The following PDSS2 variants were observed in gnomAD, a reference collection of about 807,000 sequenced individuals.
PDSS2 encodes all trans-polyprenyl-diphosphate synthase PDSS2.
Under a neutral mutation model 44.5 loss-of-function variants are expected in PDSS2, and 31 were observed. The observed-to-expected ratio is 0.70, with a 90% CI of 0.52 to 0.94. The LOEUF (loss-of-function observed/expected upper bound fraction) is 0.94, where lower values mean the gene tolerates loss of function less well. Among genes scored for constraint, PDSS2 ranks in the 40% least tolerant of loss-of-function variants. PDSS2 has a pLI of 0.00. For missense variants in PDSS2, 452 were observed against 482.2 expected (o/e 0.94, Z 0.59); for synonymous variants, 157 against 180.3 (o/e 0.87, Z 1.03).
chr6:107,355,439 A>G (rs540137359), intron 1 of PDSS2, among the ~76,000 whole-genome samples: 2 of 152,370 alleles, frequency 1.3e-5, no homozygotes, highest in South Asian at 2.1e-4. Flanking sequence ...TGACTCAAAA[A>G]TGGGAAAATG....
At chr6:107,209,978 C>A (rs570617536) in intron 6 of PDSS2, among the ~76,000 whole-genome samples, 1 of 151,960 alleles carries the variant, frequency 6.6e-6, no homozygotes, top group Admixed American at 6.6e-5. Context: ...GCTTTTTTCC[C>A]CCCCGCTTTG....
At chr6:107,394,704 T>G (rs1779887057) in intron 1 of PDSS2, among the ~76,000 whole-genome samples, 1 of 152,212 alleles carries the variant, frequency 6.6e-6, no homozygotes, top group African/African-American at 2.4e-5. Context: ...TGTACTAACC[T>G]TTCAACAATA....
intron 2 of PDSS2, among the ~76,000 whole-genome samples, chr6:107,276,456 TC>T (rs1775787436): frequency 6.6e-6 from 1 of 152,136 alleles, no homozygotes; most frequent in Admixed American, 6.5e-5. Context: ...AGTTCCTAGG[TC>T]CCTGACTGAA....
At chr6:107,321,625 G>T (rs570785217) in intron 2 of PDSS2, among the ~76,000 whole-genome samples, 1 of 152,256 alleles carries the variant, frequency 6.6e-6, no homozygotes, top group South Asian at 2.1e-4. Flanking sequence ...CCTCATTTTG[G>T]TGAAAACCAC....
intron 1 of PDSS2, among the ~76,000 whole-genome samples, chr6:107,419,032 G>A (rs1226746292): frequency 6.6e-6 from 1 of 151,090 alleles, no homozygotes; most frequent in African/African-American, 2.4e-5. Flanking sequence ...CAAGTAGTTA[G>A]CTTAAAAAAA....
chr6:107,379,957 G>T (rs1435078123), intron 1 of PDSS2, among the ~76,000 whole-genome samples: 2 of 151,174 alleles, frequency 1.3e-5, no homozygotes, highest in African/African-American at 4.9e-5. Context: ...TCTATTATCA[G>T]TTTTTTTTGA....
At chr6:107,458,875 G>A (rs1782145078) in intron 1 of PDSS2, 115 bp downstream of exon 1, 1 of 874,224 alleles carries the variant, frequency 1.1e-6, no homozygotes, top group Non-Finnish European at 1.9e-6. Context: ...TAAAAAGGAA[G>A]GACTAAAAAG....
chr6:107,378,024 C>T (rs1416950109), intron 1 of PDSS2, among the ~76,000 whole-genome samples: 1 of 148,276 alleles, frequency 6.7e-6, no homozygotes, highest in East Asian at 2.0e-4. Context: ...TACCCTAAAA[C>T]TTAAAGTATA....
chr6:107,269,473 C>A (rs531711797), intron 3 of PDSS2, among the ~76,000 whole-genome samples: 1 of 151,150 alleles, frequency 6.6e-6, no homozygotes, highest in Non-Finnish European at 1.5e-5. Flanking sequence ...TCTTGTATAT[C>A]GTTTGAGTTG....
At chr6:107,252,435 G>A (rs1236550303) in intron 3 of PDSS2, among the ~76,000 whole-genome samples, 1 of 152,210 alleles carries the variant, frequency 6.6e-6, no homozygotes, top group African/African-American at 2.4e-5. Context: ...GTTCTAGTGA[G>A]CTGGAAGTTC....
rs181166125 is a variant in PDSS2, at chr6:107,201,311, A to G, written c.1009-7457T>C. ...TTAAAAATGTGAAAATAGACAAGATAGTGTGCCTGTGCTCATGACACTGGA... is the reference window on the plus strand; with the variant it reads ...TTAAAAATGTGAAAATAGACAAGATGGTGTGCCTGTGCTCATGACACTGGA... On this transcript the variant is annotated intron_variant, in intron 6 of 7. Transcript: ENST00000369037. Among the ~76,000 whole-genome samples, 367 of 143,612 alleles carry G rather than the reference A, an allele frequency of 2.6e-3. 2 individuals carry two copies. Among genetic ancestry groups the G allele is most frequent in the African/African-American group, 9.1e-3 (359 of 39,442 alleles). The allele number at this position is 143,612 out of a possible 152,430, so 94.2% of individuals were successfully genotyped here. A position where few individuals can be genotyped will look rare whatever the true frequency, so the allele number is the denominator to read the frequency against.
At chr6:107,401,764 C>T (rs1780111485) in intron 1 of PDSS2, among the ~76,000 whole-genome samples, 1 of 151,944 alleles carries the variant, frequency 6.6e-6, no homozygotes, top group African/African-American at 2.4e-5. Flanking sequence ...AAAGCTTCAA[C>T]AACAGAATAG....
intron 1 of PDSS2, among the ~76,000 whole-genome samples, chr6:107,458,011 T>C (rs1035288324): frequency 3.3e-5 from 5 of 152,122 alleles, no homozygotes; most frequent in African/African-American, 7.2e-5. Context: ...ACGTGAATAG[T>C]ATATATATCT....
intron 1 of PDSS2, among the ~76,000 whole-genome samples, chr6:107,359,696 G>GA (rs1344980282): frequency 4.0e-5 from 6 of 151,432 alleles, no homozygotes; most frequent in African/African-American, 1.2e-4. Flanking sequence ...TAAAATACCT[G>GA]AGTATAGAAA....
At chr6:107,270,402 G>A (rs1030925724) in intron 3 of PDSS2, among the ~76,000 whole-genome samples, 15 of 151,864 alleles carry the variant, frequency 9.9e-5, no homozygotes, top group African/African-American at 3.6e-4. Context: ...ATGAGCCACC[G>A]TGCCTGGCCT....
chr6:107,239,634 CTTTTTTTTTTTT>C (rs1177940710), intron 4 of PDSS2, among the ~76,000 whole-genome samples: 13 of 76,924 alleles, frequency 1.7e-4, no homozygotes, highest in African/African-American at 6.4e-4. Flanking sequence ...TGTACTCTAC[CTTTTTTTTTTTT>C]TTTTTTTTTT....
intron 1 of PDSS2, among the ~76,000 whole-genome samples, chr6:107,413,443 G>C (rs1461979070): frequency 3.3e-5 from 5 of 152,146 alleles, no homozygotes; most frequent in Admixed American, 1.3e-4. Context: ...GGCTGAGGTG[G>C]GAGAATTTCT....
intron 2 of PDSS2, among the ~76,000 whole-genome samples, chr6:107,305,788 T>C (rs1383433161): frequency 6.6e-6 from 1 of 152,214 alleles, no homozygotes; most frequent in African/African-American, 2.4e-5. Flanking sequence ...AAAGGTTAAG[T>C]ACCTCTTATG....
intron 2 of PDSS2, among the ~76,000 whole-genome samples, chr6:107,318,505 T>TA (rs892003879): frequency 4.9e-4 from 73 of 147,942 alleles, no homozygotes; most frequent in Non-Finnish European, 6.0e-4. Flanking sequence ...ATGGTTAGCT[T>TA]AAAAAAAAAA....
Sources: allele counts gnomAD v4.1 joint callset (sites outside exome capture counted in the v4.1 genomes callset), GRCh38; gene constraint gnomAD v4.1.1; transcripts MANE v1.5; gene names NCBI Gene and HGNC (gene_info 2026-07-23, HGNC 2026-07-21).